Variants in CAMSAP1 observed in about 807,000 individuals in gnomAD.
The protein encoded by CAMSAP1 is calmodulin regulated spectrin associated protein 1, also known as calmodulin-regulated spectrin-associated protein 1.
CAMSAP1 carries 58 observed loss-of-function variants against 143.5 expected under a neutral mutation model. The observed-to-expected ratio is 0.40, with a 90% CI of 0.33 to 0.50. The LOEUF is 0.50. Among genes scored for constraint, CAMSAP1 ranks in the 20% least tolerant of loss-of-function variants. CAMSAP1 has a pLI of 0.45. For synonymous variants in CAMSAP1, 945 were observed against 859.3 expected (o/e 1.10, Z -1.74); for missense variants, 1,969 against 2,115.7 (o/e 0.93, Z 1.36).
chr9:135,855,810 T>C (rs1362599212), intron 5 of CAMSAP1, among the ~76,000 whole-genome samples: 1 of 149,188 alleles, frequency 6.7e-6, no homozygotes, highest in Non-Finnish European at 1.5e-5. Context: ...CCCAGCACTT[T>C]GGGAGGCCGA....
In CAMSAP1 at chr9:135,818,911, T is replaced by C. The variant is rs1051986708; in HGVS notation, c.3959+99A>G. The C allele has an allele frequency of 1.1e-4, 172 of 1,510,398 alleles. No homozygotes were observed. Among genetic ancestry groups the C allele is most frequent in the Admixed American group, 3.2e-4 (16 of 50,692 alleles). The allele number at this position is 1,510,398 out of a possible 1,614,324, so 93.6% of individuals were successfully genotyped here. ...GGAGTAAGACCGTCACAGGCACTCATTGCCATGGTCCATGCTCAGTGCCAG... is the reference window on the plus strand; with the variant it reads ...GGAGTAAGACCGTCACAGGCACTCACTGCCATGGTCCATGCTCAGTGCCAG... On this transcript the variant is annotated intron_variant, in intron 12 of 16. Coordinates refer to ENST00000389532, the MANE Select transcript of CAMSAP1 (RefSeq NM_015447.4). This position sits in a 1 kb window ranked among gnomAD's most constrained non-coding sequence, Gnocchi z 7.7.
intron 7 of CAMSAP1, among the ~76,000 whole-genome samples, chr9:135,833,167 C>T (rs1389121150): frequency 1.3e-5 from 2 of 151,240 alleles, no homozygotes; most frequent in Admixed American, 1.3e-4. Flanking sequence ...CTGCAAGCTC[C>T]GCCTCCCGGA....
At chr9:135,859,418 A>C (rs1023964046) in intron 5 of CAMSAP1, among the ~76,000 whole-genome samples, 2 of 152,042 alleles carry the variant, frequency 1.3e-5, no homozygotes, top group African/African-American at 4.8e-5. Flanking sequence ...TGTTTGAGAC[A>C]GTCTCGCTCT....
intron 5 of CAMSAP1, among the ~76,000 whole-genome samples, chr9:135,852,915 G>A (rs1393094977): frequency 1.3e-5 from 2 of 152,194 alleles, no homozygotes; most frequent in Non-Finnish European, 2.9e-5. Context: ...AAGCAAGTGG[G>A]GCAAACGCTG....
rs202091152 is a variant in CAMSAP1, at chr9:135,821,424, G to A, written c.3237C>T (p.Leu1079=). The change falls in exon 11 of 17, where the codon CTC becomes CTT. Residue 1079 remains leucine, a synonymous_variant. Transcript: ENST00000389532. This position sits in a 1 kb window ranked among gnomAD's most constrained non-coding sequence, Gnocchi z 4.6. ...GGTGGCCAGCCACGCCCGTGGGAGA[G>A]AGTGGCTCCACGAAGTGGACTGGTG... ...VKAPVHFVEP[L]SPTGVAGHRK... The A allele has an allele frequency of 1.2e-5, 19 of 1,614,060 alleles. No homozygotes were observed. The African/African-American group carries it at 2.3e-4, about 19-fold the overall frequency.
At chr9:135,890,466 C>A (rs1242412166) in intron 1 of CAMSAP1, among the ~76,000 whole-genome samples, 1 of 152,128 alleles carries the variant, frequency 6.6e-6, no homozygotes, top group African/African-American at 2.4e-5. Flanking sequence ...GCTGTCCGTG[C>A]CAGGAGAGGT....
At chr9:135,846,830 G>A (rs771090823) in intron 7 of CAMSAP1, among the ~76,000 whole-genome samples, 41 of 152,040 alleles carry the variant, frequency 2.7e-4, no homozygotes, top group Non-Finnish European at 5.0e-4. Context: ...AAACCACAAT[G>A]AGATACCATC....
intron 5 of CAMSAP1, among the ~76,000 whole-genome samples, chr9:135,857,558 C>G (rs1837022737): frequency 6.6e-6 from 1 of 152,172 alleles, no homozygotes; most frequent in Non-Finnish European, 1.5e-5. Flanking sequence ...GTTCTGAGGT[C>G]CAAACCCTCT....
chr9:135,863,181 C>T (rs573013642), intron 4 of CAMSAP1, among the ~76,000 whole-genome samples: 2 of 152,254 alleles, frequency 1.3e-5, no homozygotes, highest in South Asian at 4.1e-4. Context: ...CATCAGGAGG[C>T]GAAATCCATG....
chr9:135,818,889 G>T lies in CAMSAP1; in HGVS notation c.3959+121C>A. The T allele has an allele frequency of 6.9e-7, 1 of 1,441,246 alleles. No homozygotes were observed. Among genetic ancestry groups the T allele is most frequent in the Non-Finnish European group, 9.3e-7 (1 of 1,071,470 alleles). 89.3% of individuals were successfully genotyped at this position (1,441,246 alleles called of 1,614,324 possible). A position where few individuals can be genotyped will look rare whatever the true frequency, so the allele number is the denominator to read the frequency against. ...TTCGGGGAGGTGGTCCATGGGAGGA[G>T]TAAGACCGTCACAGGCACTCATTGC... On this transcript the variant is annotated intron_variant, in intron 12 of 16. Transcript: ENST00000389532. The surrounding 1 kb of genome is among the most constrained non-coding windows in gnomAD (Gnocchi z 7.7).
At chr9:135,850,640 A>C (rs1438553806) in intron 5 of CAMSAP1, among the ~76,000 whole-genome samples, 179 bp from the exon 6 acceptor site, 1 of 152,234 alleles carries the variant, frequency 6.6e-6, no homozygotes, top group Non-Finnish European at 1.5e-5. Flanking sequence ...GAAAACACTC[A>C]AGACAACTCC....
intron 7 of CAMSAP1, among the ~76,000 whole-genome samples, chr9:135,832,380 C>A (rs1328209111): frequency 6.6e-6 from 1 of 151,954 alleles, no homozygotes. Flanking sequence ...TTAAAAAAAA[C>A]AACTCTACAC....
At chr9:135,903,255 A>C (rs1326709561) in intron 1 of CAMSAP1, among the ~76,000 whole-genome samples, 1 of 152,224 alleles carries the variant, frequency 6.6e-6, no homozygotes, top group East Asian at 1.9e-4. Context: ...TCACCACAAA[A>C]TGTGATGACT....
intron 7 of CAMSAP1, among the ~76,000 whole-genome samples, chr9:135,833,208 A>T (rs377338908): frequency 6.6e-6 from 1 of 151,262 alleles, no homozygotes; most frequent in South Asian, 2.1e-4. Flanking sequence ...CAGCCTCCCA[A>T]GTAGCTGGGA....
intron 11 of CAMSAP1, 59 bp from the exon 12 acceptor site, chr9:135,819,205 C>CGCA: frequency 6.5e-7 from 1 of 1,534,726 alleles, no homozygotes. Flanking sequence ...CGGACACGGC[C>CGCA]GCACTCGACC....
At chr9:135,830,758 A>G (rs1167917129) in intron 7 of CAMSAP1, among the ~76,000 whole-genome samples, 1 of 152,250 alleles carries the variant, frequency 6.6e-6, no homozygotes, top group Non-Finnish European at 1.5e-5. Flanking sequence ...TCTCAAGCAC[A>G]TGGGACCCAT....
At chr9:135,898,895 T>A (rs1249559092) in intron 1 of CAMSAP1, among the ~76,000 whole-genome samples, 1 of 152,206 alleles carries the variant, frequency 6.6e-6, no homozygotes, top group Non-Finnish European at 1.5e-5. Context: ...TCCACATAGA[T>A]GAATGTTCAC....
intron 7 of CAMSAP1, among the ~76,000 whole-genome samples, chr9:135,846,224 C>T (rs921367248): frequency 6.6e-6 from 1 of 152,064 alleles, no homozygotes; most frequent in African/African-American, 2.4e-5. Context: ...AGAAATAATG[C>T]CACACACCTA....
In CAMSAP1 at chr9:135,849,871, G is replaced by A. The variant is rs528436913; in HGVS notation, c.1045+266C>T. The A allele has an allele frequency of 3.1e-5, 9 of 290,848 alleles. No individual in the cohort carries two copies. The East Asian group carries it at 5.2e-4, about 17-fold the overall frequency. 18.0% of individuals were successfully genotyped at this position (290,848 alleles called of 1,614,324 possible). A position where few individuals can be genotyped will look rare whatever the true frequency, so the allele number is the denominator to read the frequency against. On this transcript the variant is annotated intron_variant, in intron 7 of 16. Transcript: ENST00000389532. ...TGTAGTAAACATTTTTTTTTTTTCA[G>A]TTTGTTCATTCTGGAGGTGAGAACA...
Sources: allele counts gnomAD v4.1 joint callset (sites outside exome capture counted in the v4.1 genomes callset), GRCh38; gene constraint gnomAD v4.1.1; non-coding constraint Gnocchi (gnomAD v3.1); transcripts MANE v1.5; gene names NCBI Gene and HGNC (gene_info 2026-07-23, HGNC 2026-07-21).